Variants in PPP2R1B observed in about 807,000 individuals in gnomAD.
The protein encoded by PPP2R1B is protein phosphatase 2 scaffold subunit Abeta.
PPP2R1B carries 58 observed loss-of-function variants against 72.7 expected under a neutral mutation model. The observed-to-expected ratio is 0.80, with a 90% CI of 0.65 to 0.99. The LOEUF is 0.99. Among genes scored for constraint, PPP2R1B ranks in the 50% least tolerant of loss-of-function variants. The probability of loss-of-function intolerance (pLI) is 0.00; values close to 1 mark genes in which losing one functional copy is unlikely to be tolerated. For missense variants in PPP2R1B, 695 were observed against 733.6 expected (o/e 0.95, Z 0.61); for synonymous variants, 256 against 264.6 (o/e 0.97, Z 0.32).
chr11:111,756,352 A>G (rs957031860), intron 5 of PPP2R1B, among the ~76,000 whole-genome samples: 1 of 152,128 alleles, frequency 6.6e-6, no homozygotes, highest in African/African-American at 2.4e-5. Flanking sequence ...GAGTTTCTAT[A>G]AAGGAAATGA....
chr11:111,766,320 C>G lies in PPP2R1B; in HGVS notation c.42G>C (p.Ala14=), dbSNP rs782276275. The change falls in exon 1 of 15, where the codon GCG becomes GCC. Residue 14 remains alanine (A), a synonymous_variant. Coordinates refer to ENST00000527614, the MANE Select transcript of PPP2R1B (RefSeq NM_002716.5). Reference sequence around the variant, plus strand: ...ATAGCGAATCATCTCCATCTCCACCCGCTGCTCCTGGGCCGGTCCCGAGCT... The same window carrying G: ...ATAGCGAATCATCTCCATCTCCACCGGCTGCTCCTGGGCCGGTCCCGAGCT... ...ASELGTGPGA[A]GGDGDDSLYP... The G allele has an allele frequency of 6.2e-7, 1 of 1,612,576 alleles. No homozygotes were observed.
chr11:111,761,086 A>T (rs1555051282), intron 3 of PPP2R1B, 35 bp from the exon 4 acceptor site: 14 of 1,552,938 alleles, frequency 9.0e-6, no homozygotes, highest in Non-Finnish European at 1.1e-5. Flanking sequence ...AGAGAAGAAA[A>T]CTTATTGAAT....
At chr11:111,723,396 TAAGTAG>T (rs1943864062), downstream of PPP2R1B, 1 of 1,306,556 alleles carries the variant, frequency 7.7e-7, no homozygotes, top group Non-Finnish European at 1.1e-6. Context: ...GAGAGAGACT[TAAGTAG>T]AAGACTGAAG....
At chr11:111,742,312 AG>A in intron 13 of PPP2R1B, 168 bp from the exon 14 acceptor site, 1 of 665,162 alleles carries the variant, frequency 1.5e-6, no homozygotes, top group Non-Finnish European at 2.3e-6. Context: ...CAGCAAAATC[AG>A]CTTCAGACAA....
At chr11:111,765,576 G>C (rs1591718515) in intron 1 of PPP2R1B, among the ~76,000 whole-genome samples, 192 bp from the exon 2 acceptor site, 1 of 152,258 alleles carries the variant, frequency 6.6e-6, no homozygotes, top group East Asian at 1.9e-4. Context: ...ACTAGCCGGC[G>C]GAGGATTTCC....
At chr11:111,716,193 A>G in the PPP2R1B span, among the ~76,000 whole-genome samples, 1 of 152,182 alleles carries the variant, frequency 6.6e-6, no homozygotes, top group African/African-American at 2.4e-5. Context: ...GTGAGGGTAG[A>G]CCCTGAAAAT....
At chr11:111,690,894 A>G in the PPP2R1B span, among the ~76,000 whole-genome samples, 3 of 152,126 alleles carry the variant, frequency 2.0e-5, no homozygotes, top group South Asian at 4.1e-4. Flanking sequence ...AGTCTTTGCT[A>G]TTGTAAATAG....
At chr11:111,764,709 T>G in intron 3 of PPP2R1B, 96 bp downstream of exon 3, 1 of 1,214,226 alleles carries the variant, frequency 8.2e-7, no homozygotes, top group Non-Finnish European at 1.2e-6. Context: ...TAAAAAGATC[T>G]GCATAAAAAA....
chr11:111,736,274 G>T (rs967165840), downstream of PPP2R1B, among the ~76,000 whole-genome samples: 3 of 152,180 alleles, frequency 2.0e-5, no homozygotes, highest in Non-Finnish European at 2.9e-5. Flanking sequence ...CCCTGTCAGA[G>T]CTGAGCAGGT....
intron 11 of PPP2R1B, among the ~76,000 whole-genome samples, chr11:111,746,263 C>T (rs947033143): frequency 6.6e-6 from 1 of 151,340 alleles, no homozygotes; most frequent in African/African-American, 2.4e-5. Flanking sequence ...GAAAATGTGG[C>T]ACATATACAC....
chr11:111,692,429 G>A, the PPP2R1B span, among the ~76,000 whole-genome samples: 1 of 147,482 alleles, frequency 6.8e-6, no homozygotes, highest in Non-Finnish European at 1.5e-5. Flanking sequence ...AGAGATCGAG[G>A]CTGGGGTATC....
intron 2 of PPP2R1B, 125 bp downstream of exon 2, chr11:111,765,169 T>A: frequency 9.1e-7 from 1 of 1,094,622 alleles, no homozygotes; most frequent in South Asian, 1.5e-5. Flanking sequence ...TACTCTGTTC[T>A]GTTTCTTTTG....
At chr11:111,750,843 GTTTT>G (rs11410952) in intron 10 of PPP2R1B, among the ~76,000 whole-genome samples, 1 of 145,606 alleles carries the variant, frequency 6.9e-6, no homozygotes. Flanking sequence ...TTTTTGTTTT[GTTTT>G]TTTTTTTTTG....
At chr11:111,717,681 T>C in the PPP2R1B span, among the ~76,000 whole-genome samples, 1 of 152,110 alleles carries the variant, frequency 6.6e-6, no homozygotes, top group Non-Finnish European at 1.5e-5. Flanking sequence ...AGCAAAGACA[T>C]GGAATCAACC....
chr11:111,763,342 A>G (rs782430331), intron 3 of PPP2R1B, among the ~76,000 whole-genome samples: 1 of 152,208 alleles, frequency 6.6e-6, no homozygotes, highest in Non-Finnish European at 1.5e-5. Context: ...CTCATGCAGT[A>G]CCACTGGGCA....
the PPP2R1B span, among the ~76,000 whole-genome samples, chr11:111,717,352 T>G: frequency 8.8e-6 from 1 of 113,044 alleles, no homozygotes; most frequent in Non-Finnish European, 1.8e-5. Context: ...AAGCTCAACA[T>G]GACTGATCAT....
the PPP2R1B span, among the ~76,000 whole-genome samples, chr11:111,706,959 CAAAA>C: frequency 3.8e-5 from 2 of 52,078 alleles, no homozygotes; most frequent in Non-Finnish European, 4.0e-5. Context: ...GACTCCGTCT[CAAAA>C]AAAAAAAAAA....
the PPP2R1B span, among the ~76,000 whole-genome samples, chr11:111,714,095 C>T: frequency 3.9e-5 from 6 of 152,276 alleles, no homozygotes; most frequent in African/African-American, 9.6e-5. Context: ...GATTGAAAGA[C>T]GGGTAGACCC....
the PPP2R1B span, chr11:111,720,418 C>A: frequency 1.8e-5 from 27 of 1,485,398 alleles, no homozygotes; most frequent in Non-Finnish European, 2.4e-5. Context: ...ATGCTTTGTA[C>A]CCTATGTTCC....
Sources: gnomAD v4.1 joint callset for allele counts (sites outside exome capture counted in the v4.1 genomes callset) on GRCh38, gnomAD v4.1.1 for gene constraint, MANE v1.5 for transcripts, NCBI Gene and HGNC (gene_info 2026-07-23, HGNC 2026-07-21) for gene names.